Variants in LARGE1 observed in about 807,000 individuals in gnomAD.
LARGE1 encodes xylosyl- and glucuronyltransferase LARGE1.
Under a neutral mutation model 87.6 loss-of-function variants are expected in LARGE1, and 43 were observed. That is an observed-to-expected ratio of 0.49 (90% CI 0.38 to 0.63). The LOEUF (loss-of-function observed/expected upper bound fraction) is 0.63. LARGE1 is among the 30% of genes least tolerant of loss of function. The probability of loss-of-function intolerance (pLI) is 0.00; values close to 1 mark genes in which losing one functional copy is unlikely to be tolerated. For missense variants in LARGE1, 802 were observed against 1,000.2 expected, an observed-to-expected ratio of 0.80 and a Z score of 2.67; for synonymous variants, 434 against 394.6, an observed-to-expected ratio of 1.10 and a Z score of -1.18.
chr22:33,105,390 G>A, the LARGE1 span: 1 of 152,220 alleles, frequency 6.6e-6, no homozygotes, highest in East Asian at 1.9e-4. Flanking sequence ...GTATCCTTTT[G>A]CTCTAATTCT....
At chr22:33,821,875 A>C (rs1294675034) in intron 1 of LARGE1, among the ~76,000 whole-genome samples, 2 of 151,494 alleles carry the variant, frequency 1.3e-5, no homozygotes, top group Admixed American at 6.6e-5. Context: ...TGCATTAAAA[A>C]CTTCATGTGA....
rs565384754 is a variant in LARGE1, at chr22:33,316,277, C to T, written c.1288-29G>A. The stretch of plus-strand genomic sequence containing the variant: ...CAGGGTAGGAGAGAGGGCTTGGGCA[C>T]GTGAAGAAGAGGTCCGAGGGGGCCC... On this transcript the variant is annotated intron_variant, in intron 10 of 14. Transcript: ENST00000397394. 50 of 1,610,600 alleles carry T rather than the reference C, an allele frequency of 3.1e-5. 2 individuals are homozygous for T. The South Asian group carries it at 4.1e-4, about 13-fold the overall frequency.
intron 1 of LARGE1, among the ~76,000 whole-genome samples, chr22:33,783,208 G>C (rs1194533056): frequency 6.6e-6 from 1 of 151,958 alleles, no homozygotes; most frequent in Non-Finnish European, 1.5e-5. Context: ...AGTGATGAGA[G>C]TCTCTTTGAG....
chr22:33,643,924 C>T (rs1299635482), intron 3 of LARGE1, among the ~76,000 whole-genome samples: 8 of 152,088 alleles, frequency 5.3e-5, no homozygotes. Context: ...TAATTAATAG[C>T]CTACCAACCA....
intron 2 of LARGE1, among the ~76,000 whole-genome samples, chr22:33,675,554 G>A (rs551133122): frequency 6.6e-6 from 1 of 152,196 alleles, no homozygotes; most frequent in Admixed American, 6.5e-5. Context: ...AAGACAAAAC[G>A]AAGGCCAGTG....
At chr22:33,709,732 TC>T (rs1250665066) in intron 2 of LARGE1, among the ~76,000 whole-genome samples, 1 of 151,674 alleles carries the variant, frequency 6.6e-6, no homozygotes, top group Non-Finnish European at 1.5e-5. Context: ...TTCACACCAT[TC>T]TCCTGCCTCA....
At chr22:33,871,619 GCTAAT>G (rs2064284564) in intron 1 of LARGE1, among the ~76,000 whole-genome samples, 1 of 152,046 alleles carries the variant, frequency 6.6e-6, no homozygotes, top group Admixed American at 6.6e-5. Flanking sequence ...TTATTTTAAG[GCTAAT>G]CTAAACACCA....
intron 1 of LARGE1, among the ~76,000 whole-genome samples, chr22:33,821,970 T>TA (rs1490774282): frequency 1.3e-5 from 2 of 151,152 alleles, no homozygotes; most frequent in African/African-American, 4.9e-5. Context: ...TTTTTTTTTT[T>TA]AAAGAGCTGT....
At chr22:33,850,094 T>C (rs2063545816) in intron 1 of LARGE1, among the ~76,000 whole-genome samples, 1 of 152,116 alleles carries the variant, frequency 6.6e-6, no homozygotes, top group African/African-American at 2.4e-5. Flanking sequence ...AGGACCATAC[T>C]TCTGTTGCAG....
chr22:33,380,771 T>C (rs2065129947), intron 9 of LARGE1, among the ~76,000 whole-genome samples: 1 of 152,214 alleles, frequency 6.6e-6, no homozygotes, highest in Non-Finnish European at 1.5e-5. Flanking sequence ...AAACTTGCAA[T>C]GGATATAAAC....
At chr22:33,574,838 C>G (rs759367016) in intron 5 of LARGE1, among the ~76,000 whole-genome samples, 2 of 151,730 alleles carry the variant, frequency 1.3e-5, no homozygotes, top group Non-Finnish European at 2.9e-5. Context: ...TGGAGAAGAC[C>G]AGGACCATAT....
chr22:33,869,119 A>G (rs577568993), intron 1 of LARGE1, among the ~76,000 whole-genome samples: 13 of 152,242 alleles, frequency 8.5e-5, no homozygotes, highest in African/African-American at 3.1e-4. Context: ...TTGAAATCCA[A>G]CTTTCTGATC....
intron 2 of LARGE1, chr22:33,727,670 T>C (rs1160423099): frequency 6.6e-6 from 1 of 152,208 alleles, no homozygotes; most frequent in African/African-American, 2.4e-5. Flanking sequence ...AAAGTATTAT[T>C]ATCATGTCCA....
intron 13 of LARGE1, among the ~76,000 whole-genome samples, chr22:33,278,611 A>G (rs1929818769): frequency 6.6e-6 from 1 of 152,142 alleles, no homozygotes; most frequent in South Asian, 2.1e-4. Flanking sequence ...TTAAATTCTT[A>G]TAACTTACCA....
At chr22:33,296,927 C>G (rs1164239696) in intron 12 of LARGE1, among the ~76,000 whole-genome samples, 1 of 152,148 alleles carries the variant, frequency 6.6e-6, no homozygotes, top group East Asian at 1.9e-4. Context: ...CCTGAACGTC[C>G]TCATTTGTAA....
intron 6 of LARGE1, among the ~76,000 whole-genome samples, chr22:33,539,164 T>C (rs1317991309): frequency 6.6e-6 from 1 of 152,176 alleles, no homozygotes; most frequent in African/African-American, 2.4e-5. Context: ...AATGTATTTC[T>C]GACTGTAGGA....
chr22:33,309,957 A>G (rs1370265036), intron 11 of LARGE1, among the ~76,000 whole-genome samples: 1 of 152,176 alleles, frequency 6.6e-6, no homozygotes, highest in Admixed American at 6.5e-5. Flanking sequence ...ATGTGACCTG[A>G]TTTACATTTT....
At chr22:33,472,264 T>C (rs550908717) in intron 6 of LARGE1, among the ~76,000 whole-genome samples, 1 of 152,294 alleles carries the variant, frequency 6.6e-6, no homozygotes, top group Admixed American at 6.5e-5. Context: ...CCCAAGCACT[T>C]TGCAGGATGT....
chr22:33,134,200 G>C, the LARGE1 span, among the ~76,000 whole-genome samples: 3 of 151,036 alleles, frequency 2.0e-5, no homozygotes, highest in African/African-American at 7.3e-5. Context: ...ATGATCTTGT[G>C]CCAGTACAGG....
Sources: allele counts gnomAD v4.1 joint callset (sites outside exome capture counted in the v4.1 genomes callset), GRCh38; gene constraint gnomAD v4.1.1; transcripts MANE v1.5; gene names NCBI Gene and HGNC (gene_info 2026-07-23, HGNC 2026-07-21).